ASMTL: variants seen among roughly 807,000 people sequenced by gnomAD.
ASMTL encodes probable bifunctional dTTP/UTP pyrophosphatase/methyltransferase protein.
Under a neutral mutation model 60.3 loss-of-function variants are expected in ASMTL, and 57 were observed. The ratio of observed to expected loss-of-function variants is 0.95; its 90% confidence interval spans 0.76 to 1.18. The LOEUF is 1.18. ASMTL is among the 50% of genes most tolerant of loss of function. ASMTL has a pLI of 0.00. For missense variants in ASMTL, 981 were observed against 852.6 expected (o/e 1.15, Z -1.88); for synonymous variants, 419 against 373.0 (o/e 1.12, Z -1.42).
intron 12 of ASMTL, among the ~76,000 whole-genome samples, chrX:1,405,277 T>G (rs1173385842): frequency 3.6e-5 from 5 of 139,498 alleles, no homozygotes; most frequent in Admixed American, 2.8e-4. Context: ...GATAGATGAG[T>G]GGATGGATAG....
intron 9 of ASMTL, among the ~76,000 whole-genome samples, chrX:1,421,200 G>A (rs1338603574): frequency 2.6e-5 from 4 of 151,892 alleles, no homozygotes; most frequent in Admixed American, 6.6e-5. Context: ...CCTGACCTCA[G>A]GTGATCAGCC....
chrX:1,443,054 C>T (rs1179898094), intron 1 of ASMTL, among the ~76,000 whole-genome samples: 1 of 45,792 alleles, frequency 2.2e-5, no homozygotes, highest in Non-Finnish European at 1.0e-4. Flanking sequence ...ATACCACCAT[C>T]GTGGACACAC....
intron 3 of ASMTL, among the ~76,000 whole-genome samples, chrX:1,437,946 G>A (rs1192927103): frequency 9.3e-5 from 14 of 150,974 alleles, no homozygotes; most frequent in African/African-American, 3.4e-4. Flanking sequence ...TTAAGATGCG[G>A]TTGGACAGAA....
Position 1,435,777 on chromosome X carries a change from G to C in ASMTL, c.274-19C>G, listed in dbSNP as rs2090950662. Reference sequence around the variant, plus strand: ...CGACTGTCTGTGAGAGGAAGGGACAGAGGGAGTTGGTTCCCACCGGCTGGG... The same window carrying C: ...CGACTGTCTGTGAGAGGAAGGGACACAGGGAGTTGGTTCCCACCGGCTGGG... On this transcript the variant is annotated intron_variant, in intron 3 of 12. Transcript: ENST00000381317. 1 of 1,611,302 alleles carries C rather than the reference G, an allele frequency of 6.2e-7. No homozygotes were observed. Among genetic ancestry groups the C allele is most frequent in the Non-Finnish European group, 8.5e-7 (1 of 1,177,810 alleles).
Position 1,419,770 on chromosome X carries a change from C to T in ASMTL, c.1246-656G>A, listed in dbSNP as rs759784109. 2.6e-5 allele frequency among the ~76,000 whole-genome samples: 4 copies of T among 152,290 alleles called. No homozygotes were observed. The East Asian group carries it at 7.7e-4, about 29-fold the overall frequency. On this transcript the variant is annotated intron_variant, in intron 9 of 12. Transcript: ENST00000381317. The stretch of plus-strand genomic sequence containing the variant: ...GTCTCCATCCTGGCTCCCTAAATCT[C>T]GCGGGGGCTCCCCGGCCCTCCCCTG...
At chrX:1,420,117 A>C (rs1199939408) in intron 9 of ASMTL, among the ~76,000 whole-genome samples, 1 of 135,768 alleles carries the variant, frequency 7.4e-6, no homozygotes. Context: ...TCTGTCTCCC[A>C]TCTCCCTCTA....
intron 2 of ASMTL, among the ~76,000 whole-genome samples, chrX:1,440,851 G>A (rs1379950716): frequency 1.3e-5 from 2 of 152,190 alleles, no homozygotes; most frequent in East Asian, 1.9e-4. Context: ...TATATTAATT[G>A]TCATAGTATA....
At chrX:1,413,897 G>T (rs1460398620) in intron 11 of ASMTL, 1 of 151,096 alleles carries the variant, frequency 6.6e-6, no homozygotes, top group Non-Finnish European at 1.5e-5. Context: ...CTCCCCTAGA[G>T]CCTCTCAGAA....
chrX:1,452,045 G>A (rs1321291318), intron 1 of ASMTL, among the ~76,000 whole-genome samples: 1 of 133,516 alleles, frequency 7.5e-6, no homozygotes, highest in East Asian at 2.3e-4. Flanking sequence ...AAGGTGTCCC[G>A]GGTTTCTCTC....
intron 6 of ASMTL, among the ~76,000 whole-genome samples, chrX:1,431,423 C>T (rs1236250373): frequency 7.4e-6 from 1 of 134,604 alleles, no homozygotes; most frequent in African/African-American, 2.7e-5. Flanking sequence ...AGTTATATAA[C>T]CTATCATATA....
chrX:1,421,879 A>G lies in ASMTL; in HGVS notation c.1061-37T>C, dbSNP rs780028804. ...GGGACAGTCGTGTGACCTCCTAACG[A>G]GAAAACCCAAGGAAACCTGACCGTA... is the stretch of plus-strand genomic sequence containing the variant. On this transcript the variant is annotated intron_variant, in intron 8 of 12. Transcript: ENST00000381317. 3 of 1,601,292 alleles carry G rather than the reference A, an allele frequency of 1.9e-6. No individual in the cohort carries two copies. The South Asian group carries it at 3.3e-5, about 18-fold the overall frequency.
At chrX:1,433,195 C>T (rs1416084773) in intron 5 of ASMTL, among the ~76,000 whole-genome samples, 14 of 152,166 alleles carry the variant, frequency 9.2e-5, no homozygotes, top group East Asian at 3.9e-4. Flanking sequence ...GTGACAGGAG[C>T]GAAAGCAGGC....
intron 3 of ASMTL, among the ~76,000 whole-genome samples, chrX:1,438,554 C>T (rs1259258455): frequency 6.6e-6 from 1 of 152,208 alleles, no homozygotes; most frequent in Non-Finnish European, 1.5e-5. Context: ...GCTCTTGTCA[C>T]CCAGGCTGGA....
chrX:1,425,820 C>A (rs532338066), intron 7 of ASMTL, 133 bp from the exon 8 acceptor site: 1 of 845,742 alleles, frequency 1.2e-6, no homozygotes, highest in Non-Finnish European at 1.8e-6. Context: ...TCACAGAGAA[C>A]GGTGGGGATT....
chrX:1,403,523 C>T lies in ASMTL; in HGVS notation c.1646-34G>A, dbSNP rs775733729. On this transcript the variant is annotated intron_variant, in intron 12 of 12. Transcript: ENST00000381317. ...GACAGCAGAGAGCTGGAGTCCTGGC[C>T]AGCCAGGCGGGGATCCTTCAGCAGG... is the stretch of plus-strand genomic sequence containing the variant. 7 of 1,598,760 alleles carry T rather than the reference C, an allele frequency of 4.4e-6. No individual in the cohort carries two copies. In the African/African-American group the frequency reaches 9.4e-5, roughly 21 times the overall value.
intron 11 of ASMTL, 115 bp downstream of exon 11, chrX:1,417,858 C>T: frequency 1.5e-6 from 2 of 1,357,104 alleles, no homozygotes; most frequent in South Asian, 1.5e-5. Flanking sequence ...ACACACATAC[C>T]CACCATGGAA....
intron 9 of ASMTL, among the ~76,000 whole-genome samples, chrX:1,420,591 G>C: frequency 6.6e-6 from 1 of 152,282 alleles, no homozygotes; most frequent in Non-Finnish European, 1.5e-5. Context: ...CCTGCAGACC[G>C]AGACCCACCC....
At chrX:1,418,155 C>G (rs1427019285) in intron 10 of ASMTL, 39 bp from the exon 11 acceptor site, 1 of 1,553,914 alleles carries the variant, frequency 6.4e-7, no homozygotes, top group Non-Finnish European at 8.7e-7. Context: ...GCTGGGTCGT[C>G]TATGGAACTC....
chrX:1,417,070 A>T (rs745319081), intron 11 of ASMTL, among the ~76,000 whole-genome samples: 15 of 151,774 alleles, frequency 9.9e-5, no homozygotes, highest in African/African-American at 3.6e-4. Flanking sequence ...ATCCACACAG[A>T]CACACACCAT....
Sources: allele counts gnomAD v4.1 joint callset (sites outside exome capture counted in the v4.1 genomes callset), GRCh38; gene constraint gnomAD v4.1.1; transcripts MANE v1.5; gene names NCBI Gene and HGNC (gene_info 2026-07-23, HGNC 2026-07-21).